AGBL2: variants seen among roughly 807,000 people sequenced by gnomAD.
AGBL2 encodes the protein cytosolic carboxypeptidase 2.
Under a neutral mutation model 103.0 loss-of-function variants are expected in AGBL2, and 87 were observed. The ratio of observed to expected loss-of-function variants is 0.84; its 90% CI spans 0.71 to 1.01. The LOEUF (loss-of-function observed/expected upper bound fraction) is 1.01. Among genes scored for constraint, AGBL2 ranks in the 50% least tolerant of loss-of-function variants. AGBL2 has a pLI of 0.00. For missense variants in AGBL2, 904 were observed against 1,023.5 expected (o/e 0.88, Z 1.59); for synonymous variants, 335 against 356.7 (o/e 0.94, Z 0.69).
intron 9 of AGBL2, 91 bp from the exon 10 acceptor site, chr11:47,690,949 G>T: frequency 1.9e-6 from 2 of 1,034,100 alleles, no homozygotes; most frequent in Non-Finnish European, 2.8e-6. Context: ...GGTAAAAACA[G>T]GTCTTATTAC....
chr11:47,700,694 A>T (rs1204178162), intron 7 of AGBL2, among the ~76,000 whole-genome samples: 1 of 152,260 alleles, frequency 6.6e-6, no homozygotes, highest in African/African-American at 2.4e-5. Context: ...TTCCAAGAGC[A>T]TATAAAGATA....
chr11:47,673,937 TA>T (rs1048149462), intron 14 of AGBL2, among the ~76,000 whole-genome samples: 3 of 142,026 alleles, frequency 2.1e-5, no homozygotes, highest in African/African-American at 8.0e-5. Flanking sequence ...GCATCTCTAC[TA>T]AAAATTAGCC....
chr11:47,669,158 C>T (rs181904613), intron 14 of AGBL2, among the ~76,000 whole-genome samples: 287 of 152,292 alleles, frequency 1.9e-3, no homozygotes, highest in Middle Eastern at 0.014. Context: ...GCCTTGACCT[C>T]CCCGGCTCAA....
intron 17 of AGBL2, 69 bp downstream of exon 17, chr11:47,666,887 T>A (rs1302741513): frequency 1.0e-6 from 1 of 991,742 alleles, no homozygotes; most frequent in Non-Finnish European, 1.6e-6. Context: ...TGTCACATTG[T>A]GGGAGAGAGG....
At chr11:47,707,990 C>A (rs1402602238) in intron 4 of AGBL2, among the ~76,000 whole-genome samples, 1 of 151,904 alleles carries the variant, frequency 6.6e-6, no homozygotes, top group Non-Finnish European at 1.5e-5. Flanking sequence ...CTGGGCAATT[C>A]TGGGGCTCAA....
At position 47,660,140 on chromosome 11, in the gene AGBL2, A is replaced by C; in HGVS notation, c.*33T>G. 1 of 1,576,506 alleles carries C rather than the reference A, an allele frequency of 6.3e-7. No homozygotes were observed. The highest frequency in any genetic ancestry group is 8.6e-7 in the Non-Finnish European group (1 of 1,162,392). On this transcript the variant is annotated 3_prime_UTR_variant, in exon 19 of 19. Coordinates refer to ENST00000525123, the MANE Select transcript of AGBL2 (RefSeq NM_024783.4). ...AATGTGTCTAATCTCAAAACCCCCG[A>C]TGAAGTGCTTGTGTGGCACAGCCCA...
Position 47,667,074 on chromosome 11 carries a change from G to A in AGBL2, c.2341-11C>T. ...AAATCCTGCCTTTTCCTAGGATTGA[G>A]TGAAAAGAGAATCTTTTTCAATTGA... On this transcript the variant is annotated splice_polypyrimidine_tract_variant and intron_variant, in intron 16 of 18. Coordinates refer to ENST00000525123, the MANE Select transcript of AGBL2 (RefSeq NM_024783.4). 1 of 1,544,558 alleles carries A rather than the reference G, an allele frequency of 6.5e-7. No individual in the cohort carries two copies. The highest frequency in any genetic ancestry group is 8.8e-7 in the Non-Finnish European group (1 of 1,137,782).
At chr11:47,685,798 A>T in intron 11 of AGBL2, 95 bp downstream of exon 11, 1 of 1,288,062 alleles carries the variant, frequency 7.8e-7, no homozygotes, top group Non-Finnish European at 1.1e-6. Flanking sequence ...GATAATAAAA[A>T]GAGATACAAA....
At chr11:47,667,444 G>T (rs964335871) in intron 16 of AGBL2, 127 bp downstream of exon 16, 2 of 1,235,902 alleles carry the variant, frequency 1.6e-6, no homozygotes, top group African/African-American at 1.5e-5. Flanking sequence ...TCGCAAAACA[G>T]AAAGTCTCCC....
intron 1 of AGBL2, 187 bp from the exon 2 acceptor site, chr11:47,714,937 G>A: frequency 2.2e-6 from 1 of 453,428 alleles, no homozygotes; most frequent in Non-Finnish European, 4.0e-6. Flanking sequence ...TTCTTCCCAA[G>A]GTGCTGGCCC....
At chr11:47,695,240 T>C (rs2097463242) in intron 8 of AGBL2, among the ~76,000 whole-genome samples, 1 of 151,984 alleles carries the variant, frequency 6.6e-6, no homozygotes, top group Non-Finnish European at 1.5e-5. Context: ...TTTGGGAGGC[T>C]GAGGTGGGTG....
At chr11:47,713,078 G>A (rs1362116227) in intron 3 of AGBL2, among the ~76,000 whole-genome samples, 4 of 150,676 alleles carry the variant, frequency 2.7e-5, no homozygotes, top group African/African-American at 4.9e-5. Context: ...GTAAGCTCAC[G>A]TCTGTAATCC....
intron 9 of AGBL2, 125 bp from the exon 10 acceptor site, chr11:47,690,983 T>C (rs1028462250): frequency 2.7e-5 from 21 of 764,718 alleles, no homozygotes; most frequent in Non-Finnish European, 4.1e-5. Flanking sequence ...GCTACCTTAA[T>C]CATTTATTCT....
At chr11:47,688,202 T>C (rs1202620728) in intron 10 of AGBL2, among the ~76,000 whole-genome samples, 1 of 152,040 alleles carries the variant, frequency 6.6e-6, no homozygotes. Flanking sequence ...CAAGTGATCC[T>C]CCTGCCTCGG....
intron 10 of AGBL2, among the ~76,000 whole-genome samples, chr11:47,687,553 CAA>C (rs546485733): frequency 3.5e-5 from 5 of 141,802 alleles, no homozygotes; most frequent in Non-Finnish European, 3.1e-5. Flanking sequence ...AACTCCGTCT[CAA>C]AAAAAAAAAA....
intron 9 of AGBL2, among the ~76,000 whole-genome samples, chr11:47,691,260 T>C (rs2097444249): frequency 6.6e-6 from 1 of 151,670 alleles, no homozygotes; most frequent in African/African-American, 2.4e-5. Flanking sequence ...CAAGACTCCA[T>C]CTTGAGGAAA....
At chr11:47,703,113 C>A (rs2153805094) in intron 7 of AGBL2, among the ~76,000 whole-genome samples, 1 of 152,082 alleles carries the variant, frequency 6.6e-6, no homozygotes, top group Middle Eastern at 3.4e-3. Flanking sequence ...CTCCAATAAA[C>A]TCAAAATATA....
chr11:47,671,301 G>A (rs184201918), intron 14 of AGBL2, among the ~76,000 whole-genome samples: 2 of 152,172 alleles, frequency 1.3e-5, no homozygotes, highest in Non-Finnish European at 2.9e-5. Flanking sequence ...GATCACTTGA[G>A]GTCAGGAATT....
At chr11:47,661,534 C>T (rs1202719238) in intron 18 of AGBL2, among the ~76,000 whole-genome samples, 1 of 152,130 alleles carries the variant, frequency 6.6e-6, no homozygotes, top group Admixed American at 6.6e-5. Context: ...CACTAGAAGA[C>T]ACTGATAGGT....
Sources: allele counts gnomAD v4.1 joint callset (sites outside exome capture counted in the v4.1 genomes callset), GRCh38; gene constraint gnomAD v4.1.1; transcripts MANE v1.5; gene names NCBI Gene and HGNC (gene_info 2026-07-23, HGNC 2026-07-21).